CPN1: variants seen among roughly 807,000 people sequenced by gnomAD.
CPN1 encodes the protein carboxypeptidase N catalytic chain.
Under a neutral mutation model 46.4 loss-of-function variants are expected in CPN1, and 37 were observed. That is an observed-to-expected ratio of 0.80 (90% CI 0.61 to 1.05). The LOEUF is 1.05. Ranked by LOEUF, CPN1 falls within the 50% of genes least tolerant of loss-of-function variation. CPN1 has a pLI of 0.00. For synonymous variants in CPN1, 224 were observed against 235.4 expected (o/e 0.95, Z 0.44); for missense variants, 563 against 602.6 (o/e 0.93, Z 0.69).
chr10:100,081,069 G>A (rs2041542019), intron 1 of CPN1, among the ~76,000 whole-genome samples: 1 of 152,088 alleles, frequency 6.6e-6, no homozygotes, highest in South Asian at 2.1e-4. Context: ...CCATTGGGTG[G>A]GGAAAGACAG....
At chr10:100,076,656 T>C (rs2041516918) in intron 1 of CPN1, among the ~76,000 whole-genome samples, 1 of 152,236 alleles carries the variant, frequency 6.6e-6, no homozygotes, top group African/African-American at 2.4e-5. Context: ...AAAAGTTTCT[T>C]GCTCCATCTG....
chr10:100,050,806 T>C (rs1248521832), intron 7 of CPN1, among the ~76,000 whole-genome samples: 2 of 152,112 alleles, frequency 1.3e-5, no homozygotes, highest in Admixed American at 1.3e-4. Context: ...ATTATTTTTA[T>C]TTTTTGTAGA....
At chr10:100,065,412 G>T (rs1165556431) in intron 3 of CPN1, 42 bp from the exon 4 acceptor site, 1 of 1,610,582 alleles carries the variant, frequency 6.2e-7, no homozygotes, top group East Asian at 2.2e-5. Flanking sequence ...GCCAACTGGG[G>T]CTACCAAACA....
intron 6 of CPN1, among the ~76,000 whole-genome samples, chr10:100,055,354 C>G (rs939204554): frequency 5.1e-4 from 77 of 151,792 alleles, no homozygotes; most frequent in African/African-American, 1.3e-3. Context: ...CATTATCCCC[C>G]CCCCCAGCCC....
At chr10:100,075,826 G>T in intron 2 of CPN1, 85 bp downstream of exon 2, 1 of 1,310,700 alleles carries the variant, frequency 7.6e-7, no homozygotes, top group Non-Finnish European at 1.1e-6. Context: ...TATTTACAGT[G>T]GGACAGAGAG....
At chr10:100,050,504 C>T (rs2041343997) in intron 7 of CPN1, among the ~76,000 whole-genome samples, 1 of 152,178 alleles carries the variant, frequency 6.6e-6, no homozygotes, top group Admixed American at 6.5e-5. Context: ...AGTGCAAAAC[C>T]TGTACCACTG....
intron 2 of CPN1, among the ~76,000 whole-genome samples, chr10:100,073,175 C>G (rs1033085338): frequency 6.6e-6 from 1 of 152,038 alleles, no homozygotes; most frequent in Non-Finnish European, 1.5e-5. Context: ...TTTTGAAGTT[C>G]CTTTAAGTTT....
chr10:100,058,416 A>T (rs1316894701), intron 5 of CPN1, among the ~76,000 whole-genome samples: 2 of 152,188 alleles, frequency 1.3e-5, no homozygotes, highest in Non-Finnish European at 2.9e-5. Context: ...TCCCAGAAAA[A>T]CAGACTCCTG....
chr10:100,042,625 A>G, intron 8 of CPN1, 52 bp from the exon 9 acceptor site: 2 of 1,611,426 alleles, frequency 1.2e-6, no homozygotes, highest in Non-Finnish European at 1.7e-6. Context: ...ATCTTTTGCC[A>G]TAGTTCCAGT....
intron 3 of CPN1, among the ~76,000 whole-genome samples, chr10:100,068,166 AAAAG>A (rs1183080413): frequency 7.9e-5 from 12 of 151,366 alleles, no homozygotes; most frequent in Non-Finnish European, 1.8e-4. Flanking sequence ...AAAAAAAAAA[AAAAG>A]AAAGAAAGGG....
intron 2 of CPN1, among the ~76,000 whole-genome samples, chr10:100,074,905 C>G (rs1236708552): frequency 6.6e-6 from 1 of 152,136 alleles, no homozygotes; most frequent in East Asian, 1.9e-4. Flanking sequence ...TTTAAAGTTA[C>G]GCATATCGAT....
intron 5 of CPN1, among the ~76,000 whole-genome samples, chr10:100,058,270 C>A (rs924578226): frequency 6.6e-6 from 1 of 152,136 alleles, no homozygotes; most frequent in African/African-American, 2.4e-5. Flanking sequence ...ATGCACATGA[C>A]CTGTTTTTAA....
rs1403692548 is a variant in CPN1, at chr10:100,056,881, A to G, written c.1011+132T>C. On this transcript the variant is annotated intron_variant, in intron 6 of 8. Coordinates refer to ENST00000370418, the MANE Select transcript of CPN1 (RefSeq NM_001308.3). ...AATAATGTTGAATGAATAAATCTCAATGGAAGAAGACGCCCAGATCTATTG... is the reference window on the plus strand; with the variant it reads ...AATAATGTTGAATGAATAAATCTCAGTGGAAGAAGACGCCCAGATCTATTG... 23 of 1,108,668 alleles carry G rather than the reference A, an allele frequency of 2.1e-5. No homozygotes were observed. In the Admixed American group the frequency reaches 2.5e-4, roughly 12 times the overall value. 68.7% of individuals were successfully genotyped at this position (1,108,668 alleles called of 1,614,324 possible). A position where few individuals can be genotyped will look rare whatever the true frequency, so the allele number is the denominator to read the frequency against.
Position 100,044,162 on chromosome 10 carries a change from G to GT in CPN1, c.1231-1590dup, listed in dbSNP as rs1204858137. On this transcript the variant is annotated intron_variant, in intron 8 of 8. Transcript: ENST00000370418. Reference sequence around the variant, plus strand: ...AAATTGATAGCCAGTTTTTCTGCTAGTTCCTCCAGGAGGGAAGGGGAGAAT... The same window carrying GT: ...AAATTGATAGCCAGTTTTTCTGCTAGTTTCCTCCAGGAGGGAAGGGGAGAAT... Among the ~76,000 whole-genome samples, 5 of 152,162 alleles carry GT rather than the reference G, an allele frequency of 3.3e-5. No individual in the cohort carries two copies. In the South Asian group the frequency reaches 1.0e-3, roughly 32 times the overall value.
At chr10:100,070,626 C>T (rs2133444182) in intron 2 of CPN1, among the ~76,000 whole-genome samples, 1 of 152,260 alleles carries the variant, frequency 6.6e-6, no homozygotes, top group South Asian at 2.1e-4. Context: ...TAGTCCCCGT[C>T]ACAAGAAGAT....
intron 8 of CPN1, among the ~76,000 whole-genome samples, chr10:100,042,963 G>A (rs141322160): frequency 0.025 from 3,798 of 151,768 alleles, 85 homozygotes; most frequent in African/African-American, 0.054. Context: ...GTGTGGTGGT[G>A]CACACCTATA....
At chr10:100,072,908 G>C (rs1169165359) in intron 2 of CPN1, among the ~76,000 whole-genome samples, 1 of 152,234 alleles carries the variant, frequency 6.6e-6, no homozygotes, top group Admixed American at 6.5e-5. Flanking sequence ...TTGGAGAAGG[G>C]AAATAGTGCC....
chr10:100,070,623 C>T (rs953144477), intron 2 of CPN1, among the ~76,000 whole-genome samples: 4 of 152,148 alleles, frequency 2.6e-5, no homozygotes, highest in Middle Eastern at 3.4e-3. Context: ...CTTTAGTCCC[C>T]GTCACAAGAA....
Position 100,081,833 on chromosome 10 carries a change from C to T in CPN1, c.-208G>A, listed in dbSNP as rs1427465081. 2 of 585,608 alleles carry T rather than the reference C, an allele frequency of 3.4e-6. No individual in the cohort carries two copies. Among genetic ancestry groups the T allele is most frequent in the East Asian group, 6.1e-5 (2 of 32,918 alleles). The allele number at this position is 585,608 out of a possible 1,614,324, so 36.3% of individuals were successfully genotyped here. On this transcript the variant is annotated 5_prime_UTR_variant, in exon 1 of 9. Transcript: ENST00000370418. ...CCACTCATCTCTCCTCCCTCACTCCCTTTCTTTCTCTAATCCAGGAAAGCC... is the reference window on the plus strand; with the variant it reads ...CCACTCATCTCTCCTCCCTCACTCCTTTTCTTTCTCTAATCCAGGAAAGCC...
Sources: gnomAD v4.1 joint callset for allele counts (sites outside exome capture counted in the v4.1 genomes callset) on GRCh38, gnomAD v4.1.1 for gene constraint, MANE v1.5 for transcripts, NCBI Gene and HGNC (gene_info 2026-07-23, HGNC 2026-07-21) for gene names.